PRDM5: variants seen among roughly 807,000 people sequenced by gnomAD.
The protein encoded by PRDM5 is PR/SET domain 5, also known as PR domain zinc finger protein 5.
PRDM5 carries 56 observed loss-of-function variants against 81.2 expected under a neutral mutation model. The observed-to-expected ratio is 0.69, with a 90% confidence interval of 0.56 to 0.86. PRDM5 has a LOEUF of 0.86. PRDM5 is among the 40% of genes least tolerant of loss of function. The probability of loss-of-function intolerance (pLI) is 0.00; values close to 1 mark genes in which losing one functional copy is unlikely to be tolerated. For synonymous variants in PRDM5, 267 were observed against 256.4 expected, an observed-to-expected ratio of 1.04 and a Z score of -0.39; for missense variants, 697 against 770.1, an observed-to-expected ratio of 0.91 and a Z score of 1.12.
At position 120,816,909 on chromosome 4, in the gene PRDM5, T is replaced by C. The variant is rs748098382; in HGVS notation, c.666A>G (p.Thr222=). 8.1e-6 allele frequency: 13 copies of C among 1,612,742 alleles called. No homozygotes were observed. Among genetic ancestry groups the C allele is most frequent in the Non-Finnish European group, 1.1e-5 (13 of 1,178,896 alleles). ...AAGACTCCTTTAGACTGCTTTTCGC[T>C]GTGCACTGAAGAACACTAAAGGGAA... The part of the protein sequence containing the change: ...QALQRHVLQC[T]AKSSLKESSR... The change falls in exon 6 of 16, where the codon ACA becomes ACG. Residue 222 remains threonine, a synonymous_variant. Transcript: ENST00000264808.
chr4:120,698,329 A>C (rs776618551), intron 15 of PRDM5, among the ~76,000 whole-genome samples: 19 of 152,044 alleles, frequency 1.2e-4, no homozygotes, highest in Non-Finnish European at 2.5e-4. Context: ...TTCCCCTGTC[A>C]TTCCTTTAGT....
intron 11 of PRDM5, among the ~76,000 whole-genome samples, chr4:120,783,211 C>A (rs947086452): frequency 3.3e-5 from 5 of 151,994 alleles, no homozygotes; most frequent in Admixed American, 3.3e-4. Flanking sequence ...CTATTTTAGC[C>A]ATTTCTGGTT....
chr4:120,792,492 G>A (rs546425759), intron 10 of PRDM5, among the ~76,000 whole-genome samples: 5 of 152,294 alleles, frequency 3.3e-5, no homozygotes, highest in South Asian at 4.1e-4. Flanking sequence ...CATATCCATT[G>A]TAGAAAACAG....
Position 120,777,237 on chromosome 4 carries a change from C to T in PRDM5, c.1488G>A (p.Gln496=). The T allele has an allele frequency of 6.2e-7, 1 of 1,613,446 alleles. No homozygotes were observed. Among genetic ancestry groups the T allele is most frequent in the South Asian group, 1.1e-5 (1 of 91,074 alleles). Residue 496 remains glutamine, a synonymous_variant, in exon 13 of 16, where the codon CAG becomes CAA. Coordinates refer to ENST00000264808, the MANE Select transcript of PRDM5 (RefSeq NM_018699.4). ...TGAGTGTACCACTGCTGGCAAATTT[C>T]TGGCCACAATATGGACAGATTTTCT... ...EKEKICPYCG[Q]KFASSGTLRV...
chr4:120,714,525 C>A (rs1007287864), intron 14 of PRDM5, among the ~76,000 whole-genome samples: 2 of 152,156 alleles, frequency 1.3e-5, no homozygotes. Flanking sequence ...GATACAATCT[C>A]ATTTTTCTCA....
At chr4:120,782,016 C>T (rs1467252354) in intron 11 of PRDM5, among the ~76,000 whole-genome samples, 1 of 151,796 alleles carries the variant, frequency 6.6e-6, no homozygotes, top group Admixed American at 6.6e-5. Context: ...GAGGGGAAAG[C>T]AACCTCAGAA....
intron 15 of PRDM5, among the ~76,000 whole-genome samples, chr4:120,707,511 C>T (rs1736360988): frequency 6.6e-6 from 1 of 151,236 alleles, no homozygotes; most frequent in African/African-American, 2.4e-5. Context: ...AAGAATAGAC[C>T]CTTTCCTTAT....
At chr4:120,747,920 C>T (rs1471956905) in intron 14 of PRDM5, among the ~76,000 whole-genome samples, 2 of 152,140 alleles carry the variant, frequency 1.3e-5, no homozygotes, top group South Asian at 2.1e-4. Flanking sequence ...GGCCCAGGTG[C>T]CTTCCATGTT....
chr4:120,706,760 A>T (rs1321379114), intron 15 of PRDM5, among the ~76,000 whole-genome samples: 1 of 30,626 alleles, frequency 3.3e-5, no homozygotes, highest in African/African-American at 8.8e-5. Flanking sequence ...TATAAATTTT[A>T]TATATATATA....
intron 10 of PRDM5, among the ~76,000 whole-genome samples, chr4:120,796,855 A>G (rs1452491862): frequency 1.3e-5 from 2 of 152,200 alleles, no homozygotes; most frequent in East Asian, 3.8e-4. Context: ...ATCCCCATGG[A>G]GTATAATAAC....
rs771384837 is a variant in PRDM5, at chr4:120,746,972, G to A, written c.1623+7581C>T. Among the ~76,000 whole-genome samples, 840 of 150,912 alleles carry A rather than the reference G, an allele frequency of 5.6e-3. 4 individuals are homozygous for A. The highest frequency in any genetic ancestry group is 9.1e-3 in the Non-Finnish European group (617 of 67,872). The stretch of plus-strand genomic sequence containing the variant: ...GGGCTATAAATCATGCTGCTATAAA[G>A]ACACATGCACACGTATGTTTATTGC... On this transcript the variant is annotated intron_variant, in intron 14 of 15. Transcript: ENST00000264808.
chr4:120,816,314 A>G, intron 7 of PRDM5, 139 bp downstream of exon 7: 1 of 1,395,598 alleles, frequency 7.2e-7, no homozygotes, highest in Non-Finnish European at 1.0e-6. Flanking sequence ...AAAGAAAAAA[A>G]TCCACTGCCA....
At chr4:120,811,917 TAA>T (rs1646253095) in intron 7 of PRDM5, among the ~76,000 whole-genome samples, 1 of 152,104 alleles carries the variant, frequency 6.6e-6, no homozygotes, top group African/African-American at 2.4e-5. Context: ...AAATATACAA[TAA>T]GTTATGTTGA....
chr4:120,834,205 A>G lies in PRDM5; in HGVS notation c.301-12860T>C, dbSNP rs544339434. Among the ~76,000 whole-genome samples, 3 of 152,252 alleles carry G rather than the reference A, an allele frequency of 2.0e-5. No individual in the cohort carries two copies. In the South Asian group the frequency reaches 6.2e-4, roughly 32 times the overall value. ...AAGAAATGTTCATTTGATCAATGTG[A>G]TGGTTAATTTTATATGTGCTGAATA... On this transcript the variant is annotated intron_variant, in intron 3 of 15. Coordinates refer to ENST00000264808, the MANE Select transcript of PRDM5 (RefSeq NM_018699.4).
intron 2 of PRDM5, among the ~76,000 whole-genome samples, chr4:120,859,711 C>T (rs1760346502): frequency 6.6e-6 from 1 of 152,166 alleles, no homozygotes; most frequent in South Asian, 2.1e-4. Context: ...CAAACTGAAA[C>T]ACCTTGCTCT....
At chr4:120,784,203 T>C (rs570370847) in intron 11 of PRDM5, among the ~76,000 whole-genome samples, 2 of 152,250 alleles carry the variant, frequency 1.3e-5, no homozygotes, top group Admixed American at 1.3e-4. Context: ...AATGAAGGGA[T>C]ATCCTTTAGT....
At chr4:120,700,894 G>A (rs1215941273) in intron 15 of PRDM5, among the ~76,000 whole-genome samples, 2 of 152,164 alleles carry the variant, frequency 1.3e-5, no homozygotes, top group Non-Finnish European at 2.9e-5. Context: ...GAAGGCCAAG[G>A]TGGGCGGATC....
At chr4:120,826,372 T>C (rs1391106179) in intron 3 of PRDM5, among the ~76,000 whole-genome samples, 2 of 152,158 alleles carry the variant, frequency 1.3e-5, no homozygotes, top group Non-Finnish European at 2.9e-5. Flanking sequence ...TCTAATCTAC[T>C]AAATTCATGT....
At chr4:120,851,581 C>T (rs1203077467) in intron 3 of PRDM5, among the ~76,000 whole-genome samples, 1 of 151,954 alleles carries the variant, frequency 6.6e-6, no homozygotes, top group East Asian at 1.9e-4. Context: ...TTCCATGTCA[C>T]CTCAGCTGTT....
Sources: gnomAD v4.1 joint callset for allele counts (sites outside exome capture counted in the v4.1 genomes callset) on GRCh38, gnomAD v4.1.1 for gene constraint, MANE v1.5 for transcripts, NCBI Gene and HGNC (gene_info 2026-07-23, HGNC 2026-07-21) for gene names.